LINGO4: variants seen among roughly 807,000 people sequenced by gnomAD.
LINGO4 encodes leucine-rich repeat and immunoglobulin-like domain-containing nogo receptor-interacting protein 4.
In LINGO4, 22 loss-of-function variants were observed where a neutral mutation model predicts 27.9. The ratio of observed to expected loss-of-function variants is 0.79; its 90% CI spans 0.56 to 1.13. The LOEUF (loss-of-function observed/expected upper bound fraction) is 1.13. Among genes scored for constraint, LINGO4 ranks in the 50% most tolerant of loss-of-function variants. The pLI, the probability that LINGO4 is intolerant of heterozygous loss-of-function variation, is 0.00. For missense variants in LINGO4, 706 were observed against 739.4 expected (o/e 0.95, Z 0.52); for synonymous variants, 306 against 325.8 (o/e 0.94, Z 0.65).
Position 151,801,726 on chromosome 1 carries a change from G to A in LINGO4, c.979C>T (p.His327Tyr). 6.2e-7 allele frequency: 1 copy of A among 1,614,214 alleles called. No individual in the cohort carries two copies. The highest frequency in any genetic ancestry group is 1.1e-5 in the South Asian group (1 of 91,090). ...GCGTTATCTGCCACATCCAGGAGGT[G>A]GAAGGCAGTCAAGCCATGGAAGGCA... ...AHAFHGLTAF[H>Y]LLDVADNALQ... Residue 327 changes from histidine to tyrosine, a missense_variant, in exon 2 of 2, where the codon CAC (histidine) becomes TAC (tyrosine). By Grantham distance (83) the His-to-Tyr change is moderately conservative (BLOSUM62 2). Coordinates refer to ENST00000368820, the MANE Select transcript of LINGO4 (RefSeq NM_001004432.4). This position sits in a 1 kb window ranked among gnomAD's most constrained non-coding sequence, Gnocchi z 5.7.
rs143154971 is a variant in LINGO4 at position 151,801,443 on chromosome 1, C to T, written c.1262G>A (p.Arg421Gln). ...KPALIRKSGP[R>Q]WVIAEEGGHA... Reference sequence around the variant, plus strand: ...CCCGCCCTCCTCTGCAATGACCCATCGAGGCCCCGACTTTCGGATCAGGGC... The same window carrying T: ...CCCGCCCTCCTCTGCAATGACCCATTGAGGCCCCGACTTTCGGATCAGGGC... Residue 421 changes from arginine to glutamine, a missense_variant, in exon 2 of 2, where the codon CGA becomes CAA. Arg to Gln is a conservative substitution (Grantham distance 43). Coordinates refer to ENST00000368820, the MANE Select transcript of LINGO4 (RefSeq NM_001004432.4). The surrounding 1 kb of genome is among the most constrained non-coding windows in gnomAD (Gnocchi z 5.7). 2.5e-4 allele frequency: 396 copies of T among 1,614,024 alleles called. No homozygotes were observed. The highest frequency in any genetic ancestry group is 3.2e-4 in the Non-Finnish European group (379 of 1,180,052).
Position 151,802,062 on chromosome 1 carries a change from C to T in LINGO4, c.643G>A (p.Asp215Asn), listed in dbSNP as rs201927588. The T allele has an allele frequency of 2.5e-5, 41 of 1,614,112 alleles. 1 individual carries two copies. The Admixed American group carries it at 6.7e-4, about 26-fold the overall frequency. The change falls in exon 2 of 2, where the codon GAT (aspartate) becomes AAT (asparagine). Residue 215 changes from aspartate (D) to asparagine (N), a missense_variant. By Grantham distance (23) the Asp-to-Asn change is conservative. Coordinates refer to ENST00000368820, the MANE Select transcript of LINGO4 (RefSeq NM_001004432.4). ...ALVALRLREL[D>N]IGRLPAGALR... ...GCCCCAGCTGGCAGCCTCCCAATAT[C>T]CAGTTCTCTAAGCCTTAGGGCCACT...
rs1651143591 is a variant in LINGO4 at position 151,801,465 on chromosome 1, G to C, written c.1240C>G (p.Leu414Val). The change falls in exon 2 of 2, where the codon CTG becomes GTG. Residue 414 changes from leucine to valine, a missense_variant. By Grantham distance (32) the Leu-to-Val change is conservative (BLOSUM62 1). Transcript: ENST00000368820. The surrounding 1 kb of genome is among the most constrained non-coding windows in gnomAD (Gnocchi z 5.7). ...PPGHFTCKPA[L>V]IRKSGPRWVI... The stretch of plus-strand genomic sequence containing the variant: ...CATCGAGGCCCCGACTTTCGGATCA[G>C]GGCTGGTTTGCAGGTGAAGTGCCCT... 2 of 1,614,176 alleles carry C rather than the reference G, an allele frequency of 1.2e-6. No individual in the cohort carries two copies. The highest frequency in any genetic ancestry group is 1.6e-4 in the Middle Eastern group (1 of 6,062).
chr1:151,801,685 C>T lies in LINGO4; in HGVS notation c.1020G>A (p.Glu340=). 1 of 1,614,220 alleles carries T rather than the reference C, an allele frequency of 6.2e-7. No individual in the cohort carries two copies. The highest frequency in any genetic ancestry group is 1.3e-5 in the African/African-American group (1 of 75,060). Residue 340 remains glutamate (E), a synonymous_variant, in exon 2 of 2, where the codon GAG becomes GAA. Coordinates refer to ENST00000368820, the MANE Select transcript of LINGO4 (RefSeq NM_001004432.4). This position sits in a 1 kb window ranked among gnomAD's most constrained non-coding sequence, Gnocchi z 5.7. ...TGTCTGGAGAAGGGAAAGCTGTTTC[C>T]TCTAGTGTCTGAAGGGCGTTATCTG... The part of the protein sequence containing the change: ...DVADNALQTL[E]ETAFPSPDKL...
Position 151,802,082 on chromosome 1 carries a change from G to T in LINGO4, c.623C>A (p.Ala208Asp). 1 of 1,614,034 alleles carries T rather than the reference G, an allele frequency of 6.2e-7. No homozygotes were observed. The highest frequency in any genetic ancestry group is 1.1e-5 in the South Asian group (1 of 91,080). The change falls in exon 2 of 2, where the codon GCC becomes GAC. Residue 208 changes from alanine to aspartate, a missense_variant. Transcript: ENST00000368820. ...AATATCCAGTTCTCTAAGCCTTAGGGCCACTAGTGCCGGGAGACGGGCAAG... is the reference window on the plus strand; with the variant it reads ...AATATCCAGTTCTCTAAGCCTTAGGTCCACTAGTGCCGGGAGACGGGCAAG... ...LALARLPALV[A>D]LRLRELDIGR...
At position 151,801,126 on chromosome 1, in the gene LINGO4, GA is replaced by G; in HGVS notation, c.1578del (p.Leu527TrpfsTer21). 1.9e-6 allele frequency: 3 copies of G among 1,614,090 alleles called. No homozygotes were observed. Among genetic ancestry groups the G allele is most frequent in the Non-Finnish European group, 2.5e-6 (3 of 1,179,978 alleles). Reference protein sequence around the residue: ...ITVPGIPGPFFLDSRGVAMVL... With the variant: ...ITVPGIPGPFXLDSRGVAMVL... ...ACCATGGCCACACCTCTGCTATCCAGAAAAAAAGGCCCTGGGATCCCTGGCA... is the reference window on the plus strand; with the variant it reads ...ACCATGGCCACACCTCTGCTATCCAGAAAAAAGGCCCTGGGATCCCTGGCA... On this transcript the variant is annotated frameshift_variant, in exon 2 of 2. Transcript: ENST00000368820. LOFTEE classifies it high-confidence loss of function. This position sits in a 1 kb window ranked among gnomAD's most constrained non-coding sequence, Gnocchi z 5.7.
chr1:151,803,580 C>T (rs1651209372), intron 1 of LINGO4, among the ~76,000 whole-genome samples: 1 of 152,222 alleles, frequency 6.6e-6, no homozygotes, highest in Non-Finnish European at 1.5e-5. Flanking sequence ...CCTCATATCC[C>T]TCCTTAATGG....
In LINGO4 at chr1:151,802,577, G is replaced by A; in HGVS notation, c.128C>T (p.Ala43Val). The A allele has an allele frequency of 3.1e-6, 5 of 1,599,884 alleles. No individual in the cohort carries two copies. Among genetic ancestry groups the A allele is most frequent in the Admixed American group, 1.7e-5 (1 of 57,648 alleles). ...CAGTTGCCTGTGGCCACAGAGCACA[G>A]CCTGGGGCTGGGAGGTGCAGTCACA... The part of the protein sequence containing the change: ...AVCDCTSQPQ[A>V]VLCGHRQLEA... Residue 43 changes from alanine (A) to valine (V), a missense_variant, in exon 2 of 2, where the codon GCT becomes GTT. Transcript: ENST00000368820.
chr1:151,804,967 T>C (rs1405987325), intron 1 of LINGO4, among the ~76,000 whole-genome samples: 4 of 152,024 alleles, frequency 2.6e-5, no homozygotes, highest in Non-Finnish European at 5.9e-5. Context: ...TCCACACCGA[T>C]TGTGGAGAAA....
In LINGO4 at chr1:151,801,643, C is replaced by T; in HGVS notation, c.1062G>A (p.Arg354=). ...CACAGGTTAGGGGGTTGCCAGACAGCCTCAAGGTGACCAGTTTGTCTGGAG... is the reference window on the plus strand; with the variant it reads ...CACAGGTTAGGGGGTTGCCAGACAGTCTCAAGGTGACCAGTTTGTCTGGAG... ...FPSPDKLVTL[R]LSGNPLTCDC... is the part of the protein sequence containing the mutation. Residue 354 remains arginine, a synonymous_variant, in exon 2 of 2, where the codon AGG becomes AGA. Transcript: ENST00000368820. The surrounding 1 kb of genome is among the most constrained non-coding windows in gnomAD (Gnocchi z 5.7). 6.2e-7 allele frequency: 1 copy of T among 1,614,090 alleles called. No homozygotes were observed. The highest frequency in any genetic ancestry group is 1.1e-5 in the South Asian group (1 of 91,090).
In LINGO4 at chr1:151,800,644, G is replaced by A; in HGVS notation, c.*279C>T. 2.3e-6 allele frequency: 1 copy of A among 429,746 alleles called. No homozygotes were observed. The highest frequency in any genetic ancestry group is 4.2e-6 in the Non-Finnish European group (1 of 240,946). The allele number at this position is 429,746 out of a possible 1,614,324, so 26.6% of individuals were successfully genotyped here. Reference sequence around the variant, plus strand: ...ACTAGCTGACTAGCGCTTTGATTATGTTTCCTGTTTTGTGTGTGGAGGGGG... The same window carrying A: ...ACTAGCTGACTAGCGCTTTGATTATATTTCCTGTTTTGTGTGTGGAGGGGG... On this transcript the variant is annotated 3_prime_UTR_variant, in exon 2 of 2. Coordinates refer to ENST00000368820, the MANE Select transcript of LINGO4 (RefSeq NM_001004432.4).
In LINGO4 at chr1:151,800,855, C is replaced by G. The variant is rs1265404224; in HGVS notation, c.*68G>C. ...CGGGACTAGGTTCTGGTTCAAGCAG[C>G]CTTGGTTCTGTCTTCCCCTTTGGTA... On this transcript the variant is annotated 3_prime_UTR_variant, in exon 2 of 2. Transcript: ENST00000368820. 1.4e-6 allele frequency: 2 copies of G among 1,446,988 alleles called. No homozygotes were observed. The highest frequency in any genetic ancestry group is 1.4e-5 in the African/African-American group (1 of 70,588). 89.6% of individuals were successfully genotyped at this position (1,446,988 alleles called of 1,614,324 possible). A position where few individuals can be genotyped will look rare whatever the true frequency, so the allele number is the denominator to read the frequency against.
rs759160503 is a variant in LINGO4, at chr1:151,801,788, C to A, written c.917G>T (p.Arg306Leu). 1 of 1,614,180 alleles carries A rather than the reference C, an allele frequency of 6.2e-7. No individual in the cohort carries two copies. Residue 306 changes from arginine (R) to leucine (L), a missense_variant, in exon 2 of 2, where the codon CGC (arginine) becomes CTC (leucine). By Grantham distance (102) the Arg-to-Leu change is moderately radical. Coordinates refer to ENST00000368820, the MANE Select transcript of LINGO4 (RefSeq NM_001004432.4). The surrounding 1 kb of genome is among the most constrained non-coding windows in gnomAD (Gnocchi z 5.7). Reference protein sequence around the residue: ...LSPLVRLQELRLSGACLTSIA... With the variant: ...LSPLVRLQELLLSGACLTSIA... ...GGAGGTGAGGCATGCCCCTGACAGG[C>A]GTAGCTCCTGGAGCCGCACCAGGGG...
intron 1 of LINGO4, among the ~76,000 whole-genome samples, chr1:151,803,996 A>C (rs956103828): frequency 2.0e-5 from 3 of 152,092 alleles, no homozygotes; most frequent in Non-Finnish European, 4.4e-5. Flanking sequence ...CAGAGATAGG[A>C]GCAAAAGCCC....
rs768336647 is a variant in LINGO4 at position 151,801,655 on chromosome 1, C to T, written c.1050G>A (p.Leu350=). ...GGTTGCCAGACAGCCTCAAGGTGAC[C>T]AGTTTGTCTGGAGAAGGGAAAGCTG... ...EETAFPSPDK[L]VTLRLSGNPL... The change falls in exon 2 of 2, where the codon CTG becomes CTA. Residue 350 remains leucine (L), a synonymous_variant. Coordinates refer to ENST00000368820, the MANE Select transcript of LINGO4 (RefSeq NM_001004432.4). The surrounding 1 kb of genome is among the most constrained non-coding windows in gnomAD (Gnocchi z 5.7). 1 of 1,614,018 alleles carries T rather than the reference C, an allele frequency of 6.2e-7. No homozygotes were observed. The highest frequency in any genetic ancestry group is 1.3e-5 in the African/African-American group (1 of 74,944).
rs572248328 is a variant in LINGO4 at position 151,801,563 on chromosome 1, G to C, written c.1142C>G (p.Ser381Cys). The change falls in exon 2 of 2, where the codon TCC becomes TGC. Residue 381 changes from serine to cysteine, a missense_variant. By Grantham distance (112) the Ser-to-Cys change is moderately radical (BLOSUM62 -1). Coordinates refer to ENST00000368820, the MANE Select transcript of LINGO4 (RefSeq NM_001004432.4). The surrounding 1 kb of genome is among the most constrained non-coding windows in gnomAD (Gnocchi z 5.7). The stretch of plus-strand genomic sequence containing the variant: ...ATGGGGGCCAGCACAGGCAGGGGGG[G>C]ACATGCCAAAGTCCAGGTGGCGGCG... ...RLRRHLDFGM[S>C]PPACAGPHHV... 5 of 1,613,732 alleles carry C rather than the reference G, an allele frequency of 3.1e-6. No homozygotes were observed. The highest frequency in any genetic ancestry group is 4.2e-6 in the Non-Finnish European group (5 of 1,180,002).
Position 151,802,529 on chromosome 1 carries a change from G to A in LINGO4, c.176C>T (p.Pro59Leu). 2 of 1,607,734 alleles carry A rather than the reference G, an allele frequency of 1.2e-6. No homozygotes were observed. Among genetic ancestry groups the A allele is most frequent in the Non-Finnish European group, 1.7e-6 (2 of 1,176,874 alleles). ...RQLEAVPGGL[P>L]LDTELLDLSG... ...CAGGTCCAGGAGCTCAGTGTCCAGTGGGAGTCCTCCAGGTACAGCCTCCAG... is the reference window on the plus strand; with the variant it reads ...CAGGTCCAGGAGCTCAGTGTCCAGTAGGAGTCCTCCAGGTACAGCCTCCAG... Residue 59 changes from proline to leucine, a missense_variant, in exon 2 of 2, where the codon CCA (proline) becomes CTA (leucine). Physicochemically the swap from Pro to Leu is moderately conservative, Grantham distance 98. Coordinates refer to ENST00000368820, the MANE Select transcript of LINGO4 (RefSeq NM_001004432.4).
intron 1 of LINGO4, among the ~76,000 whole-genome samples, chr1:151,804,263 T>G (rs1651227094): frequency 6.6e-6 from 1 of 152,140 alleles, no homozygotes; most frequent in Non-Finnish European, 1.5e-5. Context: ...TTGTCCTAGT[T>G]GGGAAACTAA....
In LINGO4 at chr1:151,803,176, C is replaced by A. The variant is rs557193717; in HGVS notation, c.-13-459G>T. On this transcript the variant is annotated intron_variant, in intron 1 of 1. Coordinates refer to ENST00000368820, the MANE Select transcript of LINGO4 (RefSeq NM_001004432.4). ...ACGCTTATTCTTTCACATTATGTAC[C>A]CATAGTTTTGCTTAAGGCTCAGGGA... Among the ~76,000 whole-genome samples the A allele has an allele frequency of 5.9e-5, 9 of 152,260 alleles. 1 individual carries two copies. In the South Asian group the frequency reaches 1.9e-3, roughly 32 times the overall value.
Sources: allele counts gnomAD v4.1 joint callset (sites outside exome capture counted in the v4.1 genomes callset), GRCh38; gene constraint gnomAD v4.1.1; non-coding constraint Gnocchi (gnomAD v3.1); transcripts MANE v1.5; gene names NCBI Gene and HGNC (gene_info 2026-07-23, HGNC 2026-07-21).